SMYD2: variants seen among roughly 807,000 people sequenced by gnomAD.
SMYD2 encodes SET and MYND domain containing 2.
In SMYD2, 53 loss-of-function variants were observed where a neutral mutation model predicts 59.1. The ratio of observed to expected loss-of-function variants is 0.90; its 90% CI spans 0.72 to 1.13. The LOEUF (loss-of-function observed/expected upper bound fraction) is 1.13. SMYD2 is among the 50% of genes most tolerant of loss of function. The pLI is 0.00. For synonymous variants in SMYD2, 208 were observed against 198.8 expected (o/e 1.05, Z -0.39); for missense variants, 494 against 544.7 (o/e 0.91, Z 0.93).
chr1:214,308,429 G>A lies in SMYD2; in HGVS notation c.237+3179G>A, dbSNP rs145698001. On this transcript the variant is annotated intron_variant, in intron 2 of 11. Transcript: ENST00000366957. ...AAATAAAGGGTAGCACAAGGGCTTC[G>A]TAAAGGAAATCATTAGGGAGGAATC... Among the ~76,000 whole-genome samples, 294 of 152,274 alleles carry A rather than the reference G, an allele frequency of 1.9e-3. 1 individual carries two copies. Among genetic ancestry groups the A allele is most frequent in the African/African-American group, 6.6e-3 (275 of 41,552 alleles).
intron 2 of SMYD2, 92 bp from the exon 3 acceptor site, chr1:214,314,670 C>A: frequency 1.1e-6 from 1 of 883,744 alleles, no homozygotes; most frequent in Non-Finnish European, 1.8e-6. Flanking sequence ...TTTACTTGAC[C>A]TTAACTAGGG....
chr1:214,324,602 C>G, intron 5 of SMYD2, 39 bp from the exon 6 acceptor site: 1 of 1,534,240 alleles, frequency 6.5e-7, no homozygotes, highest in South Asian at 1.2e-5. Context: ...AAAGAAGCTC[C>G]AGCTCATTTT....
intron 1 of SMYD2, among the ~76,000 whole-genome samples, chr1:214,298,930 G>A (rs9429915): frequency 0.8 from 122,209 of 152,078 alleles, 49,694 homozygotes; most frequent in African/African-American, 0.92. Context: ...AGGCAGGAGG[G>A]TCACTTGAGA....
chr1:214,329,282 C>T (rs1480937062), intron 7 of SMYD2, among the ~76,000 whole-genome samples: 1 of 152,160 alleles, frequency 6.6e-6, no homozygotes, highest in African/African-American at 2.4e-5. Context: ...AGCTTAGCTG[C>T]CCCTGCAGCA....
chr1:214,316,630 C>T (rs1427689161), intron 3 of SMYD2, among the ~76,000 whole-genome samples: 1 of 152,120 alleles, frequency 6.6e-6, no homozygotes, highest in Non-Finnish European at 1.5e-5. Flanking sequence ...TGTCCCCAGA[C>T]CAAGTTAGGA....
intron 3 of SMYD2, among the ~76,000 whole-genome samples, chr1:214,315,140 A>C (rs753229295): frequency 6.6e-6 from 1 of 152,196 alleles, no homozygotes. Context: ...ACAGGTTTAC[A>C]TGGAAATACG....
At chr1:214,301,061 A>G (rs1243637244) in intron 1 of SMYD2, among the ~76,000 whole-genome samples, 1 of 152,198 alleles carries the variant, frequency 6.6e-6, no homozygotes, top group Non-Finnish European at 1.5e-5. Flanking sequence ...ATATCTTCCA[A>G]AACAAAAGAA....
intron 3 of SMYD2, 94 bp downstream of exon 3, chr1:214,314,966 G>T: frequency 1.1e-6 from 1 of 907,444 alleles, no homozygotes; most frequent in South Asian, 1.5e-5. Flanking sequence ...ACCATCTCTC[G>T]TTAAACATCC....
At chr1:214,290,604 C>A (rs777676307) in intron 1 of SMYD2, among the ~76,000 whole-genome samples, 2 of 151,940 alleles carry the variant, frequency 1.3e-5, no homozygotes, top group Non-Finnish European at 2.9e-5. Flanking sequence ...CCAGGGGACG[C>A]GGAGTCACCA....
At chr1:214,332,360 C>T in intron 10 of SMYD2, 168 bp downstream of exon 10, 1 of 717,282 alleles carries the variant, frequency 1.4e-6, no homozygotes. Flanking sequence ...CCGAGTCAGG[C>T]CTGTTCTCAC....
At chr1:214,317,648 A>G (rs183542375) in intron 3 of SMYD2, among the ~76,000 whole-genome samples, 29 of 152,380 alleles carry the variant, frequency 1.9e-4, no homozygotes, top group Admixed American at 7.8e-4. Context: ...TCTTTTTGAA[A>G]CACAGAATTT....
intron 1 of SMYD2, among the ~76,000 whole-genome samples, chr1:214,282,714 C>T (rs1158431131): frequency 6.6e-6 from 1 of 151,916 alleles, no homozygotes; most frequent in Non-Finnish European, 1.5e-5. Flanking sequence ...TTGGGGGGAC[C>T]TGGAAAGGAA....
Position 214,334,239 on chromosome 1 carries a change from G to T in SMYD2, c.1152G>T (p.Met384Ile), listed in dbSNP as rs373951400. 2 of 1,614,090 alleles carry T rather than the reference G, an allele frequency of 1.2e-6. No individual in the cohort carries two copies. Among genetic ancestry groups the T allele is most frequent in the Non-Finnish European group, 1.7e-6 (2 of 1,180,030 alleles). ...YPLYSLNVAS[M>I]WLKLGRLYMG... is the part of the protein sequence containing the mutation. The stretch of plus-strand genomic sequence containing the variant: ...TGTACTCCCTCAACGTGGCCTCCAT[G>T]TGGTTGAAGCTAGGGAGACTCTACA... Residue 384 changes from methionine to isoleucine, a missense_variant, in exon 11 of 12, where the codon ATG becomes ATT. Met to Ile is a conservative substitution (Grantham distance 10). Coordinates refer to ENST00000366957, the MANE Select transcript of SMYD2 (RefSeq NM_020197.3).
chr1:214,313,877 T>C (rs1176082236), intron 2 of SMYD2, among the ~76,000 whole-genome samples: 1 of 152,094 alleles, frequency 6.6e-6, no homozygotes, highest in Non-Finnish European at 1.5e-5. Flanking sequence ...GGGCGTATGA[T>C]AGAAAGAATA....
rs1051332827 is a variant in SMYD2 at position 214,318,821 on chromosome 1, G to A, written c.410-38G>A. 38 of 1,602,238 alleles carry A rather than the reference G, an allele frequency of 2.4e-5. No individual in the cohort carries two copies. The highest frequency in any genetic ancestry group is 2.6e-5 in the Non-Finnish European group (31 of 1,174,508). ...AATAGGATGTAGCTAGAAATCCCAC[G>A]CTTTCTACTGGGTGAATAATGGATT... On this transcript the variant is annotated intron_variant, in intron 4 of 11. Coordinates refer to ENST00000366957, the MANE Select transcript of SMYD2 (RefSeq NM_020197.3). The surrounding 1 kb of genome is among the most constrained non-coding windows in gnomAD (Gnocchi z 5.4).
chr1:214,319,922 T>G (rs1199003421), intron 5 of SMYD2, among the ~76,000 whole-genome samples: 3 of 152,262 alleles, frequency 2.0e-5, no homozygotes, highest in Non-Finnish European at 4.4e-5. Context: ...CATTACCTAA[T>G]GTACCCTTTG....
chr1:214,305,639 C>T (rs191413090), intron 2 of SMYD2, among the ~76,000 whole-genome samples: 7 of 152,186 alleles, frequency 4.6e-5, no homozygotes, highest in African/African-American at 1.7e-4. Context: ...CTACATCTTA[C>T]CCTTGGGCTG....
chr1:214,324,297 A>C (rs2102474394), intron 5 of SMYD2, among the ~76,000 whole-genome samples: 1 of 152,218 alleles, frequency 6.6e-6, no homozygotes, highest in Non-Finnish European at 1.5e-5. Flanking sequence ...TCATACAACA[A>C]AGCTGTAGCA....
At chr1:214,297,757 A>G (rs1656757691) in intron 1 of SMYD2, among the ~76,000 whole-genome samples, 1 of 152,222 alleles carries the variant, frequency 6.6e-6, no homozygotes, top group Non-Finnish European at 1.5e-5. Flanking sequence ...GCTTAAACCA[A>G]AATAGATCAA....
Sources: allele counts gnomAD v4.1 joint callset (sites outside exome capture counted in the v4.1 genomes callset), GRCh38; gene constraint gnomAD v4.1.1; non-coding constraint Gnocchi (gnomAD v3.1); transcripts MANE v1.5; gene names NCBI Gene and HGNC (gene_info 2026-07-23, HGNC 2026-07-21).